Variants in AKAP13 observed in about 807,000 individuals in gnomAD.
The protein encoded by AKAP13 is A-kinase anchoring protein 13.
In AKAP13, 80 loss-of-function variants were observed where a neutral mutation model predicts 264.5. That is an observed-to-expected ratio of 0.30 (90% CI 0.25 to 0.36). The LOEUF (loss-of-function observed/expected upper bound fraction) is 0.36. Ranked by LOEUF, AKAP13 falls within the 10% of genes least tolerant of loss-of-function variation. The pLI is 1.00. For missense variants in AKAP13, 3,712 were observed against 3,435.2 expected (o/e 1.08, Z -2.01); for synonymous variants, 1,380 against 1,250.2 (o/e 1.10, Z -2.19).
At chr15:85,730,463 G>C (rs192132231) in intron 29 of AKAP13, 50 bp from the exon 30 acceptor site, 159 of 1,570,276 alleles carry the variant, frequency 1.0e-4, no homozygotes, top group Non-Finnish European at 1.3e-4. Flanking sequence ...AGTCATTCTC[G>C]TAATTACTAA....
At chr15:85,424,674 C>T (rs189843773) in intron 1 of AKAP13, among the ~76,000 whole-genome samples, 4 of 152,378 alleles carry the variant, frequency 2.6e-5, no homozygotes, top group Middle Eastern at 3.4e-3. Flanking sequence ...CCTTTGCATT[C>T]ACAACTTGGC....
At chr15:85,683,345 A>G (rs185055075) in intron 15 of AKAP13, among the ~76,000 whole-genome samples, 39 of 152,346 alleles carry the variant, frequency 2.6e-4, no homozygotes, top group Admixed American at 5.2e-4. Flanking sequence ...GAGGCCCTAG[A>G]GGCAATCACT....
In AKAP13 at chr15:85,743,613, T is replaced by C. The variant is rs11540857; in HGVS notation, c.8180T>C (p.Val2727Ala). 2 of 1,614,156 alleles carry C rather than the reference T, an allele frequency of 1.2e-6. No homozygotes were observed. The highest frequency in any genetic ancestry group is 1.7e-5 in the Admixed American group (1 of 60,018). ...GGGTCATTGGACTCAGAACTTTCAG[T>C]GTCCCCAAAAAGGAACAGCATCTCT... is the stretch of plus-strand genomic sequence containing the variant. ...KSGSLDSELS[V>A]SPKRNSISRT... Residue 2727 changes from valine (V) to alanine (A), a missense_variant, in exon 36 of 37, where the codon GTG becomes GCG. Physicochemically the swap from Val to Ala is moderately conservative, Grantham distance 64. This residue lies in a region of AKAP13 where 611 missense variants were observed against 539.3 expected (regional missense o/e 1.13). Coordinates refer to ENST00000394518, the MANE Select transcript of AKAP13 (RefSeq NM_007200.5).
chr15:85,520,734 T>G (rs778089738), intron 2 of AKAP13: 1 of 518,708 alleles, frequency 1.9e-6, no homozygotes, highest in Non-Finnish European at 3.8e-6. Flanking sequence ...GTTGAACATG[T>G]TCCAGGAGCT....
rs1051656264 is a variant in AKAP13, at chr15:85,489,827, G to C, written c.33+4074G>C. On this transcript the variant is annotated intron_variant, in intron 2 of 36. Transcript: ENST00000394518. ...TCCAAAGTGTACAGGTGGCAGTACT[G>C]TTGGATGTTTCAATTAAGCTCTTTT... Among the ~76,000 whole-genome samples, 11 of 152,326 alleles carry C rather than the reference G, an allele frequency of 7.2e-5. 1 individual carries two copies. The highest frequency in any genetic ancestry group is 3.9e-4 in the Admixed American group (6 of 15,304).
rs1020727586 is a variant in AKAP13, at chr15:85,514,167, G to A, written c.34-7261G>A. 5.1e-5 allele frequency among the ~76,000 whole-genome samples: 7 copies of A among 137,018 alleles called. 1 individual carries two copies. The highest frequency in any genetic ancestry group is 2.1e-4 in the East Asian group (1 of 4,872). 89.9% of individuals were successfully genotyped at this position (137,018 alleles called of 152,430 possible). ...GAGTGAATCTTTACCATATGTTTGC[G>A]CAGTGATAATTTTACTATTCCAGCA... On this transcript the variant is annotated intron_variant, in intron 2 of 36. Transcript: ENST00000394518.
intron 10 of AKAP13, among the ~76,000 whole-genome samples, chr15:85,646,834 C>CT (rs750643488): frequency 9.2e-5 from 14 of 152,146 alleles, no homozygotes; most frequent in Non-Finnish European, 2.1e-4. Flanking sequence ...AGTTTGCTTT[C>CT]TTTTGCTTAT....
chr15:85,589,711 A>G (rs1392336157), intron 8 of AKAP13, among the ~76,000 whole-genome samples: 18 of 47,988 alleles, frequency 3.8e-4, no homozygotes, highest in African/African-American at 1.5e-3. Flanking sequence ...CTCTGTCTTG[A>G]AAAAAAAAAA....
intron 1 of AKAP13, among the ~76,000 whole-genome samples, chr15:85,396,319 C>T (rs532257712): frequency 6.6e-6 from 1 of 152,272 alleles, no homozygotes; most frequent in East Asian, 1.9e-4. Context: ...ACCTCTTCAG[C>T]AACTTCATCA....
At chr15:85,531,245 C>T (rs1032516249) in intron 3 of AKAP13, among the ~76,000 whole-genome samples, 1 of 152,184 alleles carries the variant, frequency 6.6e-6, no homozygotes, top group African/African-American at 2.4e-5. Context: ...CCCCAGATTG[C>T]ACTGTATTTA....
In AKAP13 at chr15:85,724,394, C is replaced by A. The variant is rs972894421; in HGVS notation, c.6745+1074C>A. ...AAAGCAAGAGGAATAGCAATAGAGTCAAGTCTTGAAGGATGACGGCACATA... is the reference window on the plus strand; with the variant it reads ...AAAGCAAGAGGAATAGCAATAGAGTAAAGTCTTGAAGGATGACGGCACATA... On this transcript the variant is annotated intron_variant, in intron 26 of 36. Coordinates refer to ENST00000394518, the MANE Select transcript of AKAP13 (RefSeq NM_007200.5). This position sits in a 1 kb window ranked among gnomAD's most constrained non-coding sequence, Gnocchi z 4.2. Among the ~76,000 whole-genome samples, 3 of 152,024 alleles carry A rather than the reference C, an allele frequency of 2.0e-5. No homozygotes were observed. Among genetic ancestry groups the A allele is most frequent in the Non-Finnish European group, 2.9e-5 (2 of 68,020 alleles).
intron 1 of AKAP13, among the ~76,000 whole-genome samples, chr15:85,450,496 G>A (rs891022127): frequency 1.3e-5 from 2 of 152,060 alleles, no homozygotes; most frequent in African/African-American, 4.8e-5. Context: ...GGCATTTGGT[G>A]CTATGAATTT....
chr15:85,725,498 T>A (rs575518939), intron 26 of AKAP13, among the ~76,000 whole-genome samples: 23 of 152,276 alleles, frequency 1.5e-4, no homozygotes, highest in African/African-American at 5.3e-4. Context: ...CTAAAAAAAT[T>A]AGACCTCCCT....
At chr15:85,597,023 A>G (rs921753919) in intron 8 of AKAP13, among the ~76,000 whole-genome samples, 3 of 152,174 alleles carry the variant, frequency 2.0e-5, no homozygotes, top group African/African-American at 7.2e-5. Flanking sequence ...TTAGTAGAAA[A>G]ACATACTTGA....
chr15:85,581,755 T>C lies in AKAP13; in HGVS notation c.3687T>C (p.Ser1229=), dbSNP rs114812613. ...PPSGRERSTP[S]LPCMVSAQDA... ...CAGGCAGGGAAAGGAGCACTCCCTC[T>C]CTACCTTGCATGGTCTCTGCCCAGG... Residue 1229 remains serine, a synonymous_variant, in exon 7 of 37, where the codon TCT becomes TCC. Coordinates refer to ENST00000394518, the MANE Select transcript of AKAP13 (RefSeq NM_007200.5). 1.1e-5 allele frequency: 17 copies of C among 1,614,170 alleles called. No homozygotes were observed. The East Asian group carries it at 3.1e-4, about 30-fold the overall frequency.
In AKAP13 at chr15:85,568,602, T is replaced by TA. The variant is rs1446193899; in HGVS notation, c.663-6528dup. ...GGCATGGCCTATAGAGGCACTGTGG[T>TA]AGAGTGGAAAGAGATAGTATTCTGG... On this transcript the variant is annotated intron_variant, in intron 5 of 36. Coordinates refer to ENST00000394518, the MANE Select transcript of AKAP13 (RefSeq NM_007200.5). 2.6e-5 allele frequency among the ~76,000 whole-genome samples: 4 copies of TA among 152,204 alleles called. No individual in the cohort carries two copies. The South Asian group carries it at 8.3e-4, about 32-fold the overall frequency.
At chr15:85,385,171 C>G (rs557259764) in intron 1 of AKAP13, among the ~76,000 whole-genome samples, 124 of 152,296 alleles carry the variant, frequency 8.1e-4, no homozygotes, top group African/African-American at 2.8e-3. Context: ...CAGAAGTTTG[C>G]TGACCCTTTT....
chr15:85,723,746 T>C (rs926504011), intron 26 of AKAP13, among the ~76,000 whole-genome samples: 2 of 152,138 alleles, frequency 1.3e-5, no homozygotes, highest in Non-Finnish European at 2.9e-5. Flanking sequence ...ACACATCACT[T>C]GTTCACAAGA....
intron 5 of AKAP13, among the ~76,000 whole-genome samples, chr15:85,552,553 C>T (rs112188944): frequency 6.6e-6 from 1 of 151,750 alleles, no homozygotes; most frequent in East Asian, 1.9e-4. Context: ...ATTTGAGGTA[C>T]CTGATATTTT....
Sources: allele counts gnomAD v4.1 joint callset (sites outside exome capture counted in the v4.1 genomes callset), GRCh38; gene constraint gnomAD v4.1.1; regional missense constraint gnomAD v4.1.1; non-coding constraint Gnocchi (gnomAD v3.1); transcripts MANE v1.5; gene names NCBI Gene and HGNC (gene_info 2026-07-23, HGNC 2026-07-21).